The following SLC6A18 variants were observed in gnomAD, a reference collection of about 807,000 sequenced individuals.
SLC6A18 encodes the protein solute carrier family 6 member 18.
In SLC6A18, 58 loss-of-function variants were observed where a neutral mutation model predicts 62.9. The observed-to-expected ratio is 0.92, with a 90% CI of 0.75 to 1.15. SLC6A18 has a LOEUF of 1.15. Ranked by LOEUF, SLC6A18 falls within the 50% of genes most tolerant of loss-of-function variation. The pLI, the probability that SLC6A18 is intolerant of heterozygous loss-of-function variation, is 0.00. For missense variants in SLC6A18, 793 were observed against 836.6 expected, an observed-to-expected ratio of 0.95 and a Z score of 0.64; for synonymous variants, 382 against 365.8, an observed-to-expected ratio of 1.04 and a Z score of -0.51.
intron 3 of SLC6A18, among the ~76,000 whole-genome samples, chr5:1,233,710 G>A (rs1351929554): frequency 6.7e-6 from 1 of 148,528 alleles, no homozygotes; most frequent in African/African-American, 2.5e-5. Context: ...CACTTCCCAA[G>A]CAGCTGGGAC....
rs1746747477 is a variant in SLC6A18 at position 1,232,214 on chromosome 5, C to T, written c.161-5C>T. On this transcript the variant is annotated splice_polypyrimidine_tract_variant and splice_region_variant and intron_variant, in intron 1 of 11. Transcript: ENST00000324642. ...GGGCAGGTGCTGACCACCCCCTCCTCACAGGGGCCTTCCTCATCCCCTACG... is the reference window on the plus strand; with the variant it reads ...GGGCAGGTGCTGACCACCCCCTCCTTACAGGGGCCTTCCTCATCCCCTACG... 6.2e-7 allele frequency: 1 copy of T among 1,610,160 alleles called. No homozygotes were observed. Among genetic ancestry groups the T allele is most frequent in the Non-Finnish European group, 8.5e-7 (1 of 1,178,552 alleles).
intron 1 of SLC6A18, among the ~76,000 whole-genome samples, chr5:1,231,555 G>A (rs1362514341): frequency 6.6e-6 from 1 of 152,152 alleles, no homozygotes; most frequent in Non-Finnish European, 1.5e-5. Flanking sequence ...GCCGCCCTGG[G>A]GTCCCTGGGG....
intron 10 of SLC6A18, 46 bp downstream of exon 10, chr5:1,244,419 G>A (rs1335447233): frequency 2.1e-5 from 34 of 1,607,992 alleles, no homozygotes; most frequent in Non-Finnish European, 2.8e-5. Context: ...CCACCAGGGT[G>A]GGACAGGGAA....
In SLC6A18 at chr5:1,238,000, C is replaced by T. The variant is rs111842636; in HGVS notation, c.672C>T (p.Leu224=). The T allele has an allele frequency of 1.9e-3, 3,079 of 1,614,206 alleles. 51 individuals are homozygous for T. The African/African-American group carries it at 0.036, about 19-fold the overall frequency. ...LFPYLVLTIF[L]IRGLTLPGAT... The stretch of plus-strand genomic sequence containing the variant: ...CTTACCTGGTCCTGACCATCTTTCT[C>T]ATCAGAGGGCTGACCCTGCCAGGGG... Residue 224 remains leucine, a synonymous_variant, in exon 5 of 12, where the codon CTC becomes CTT. Transcript: ENST00000324642.
At chr5:1,226,356 G>T (rs1397427522) in intron 1 of SLC6A18, among the ~76,000 whole-genome samples, 1 of 152,190 alleles carries the variant, frequency 6.6e-6, no homozygotes, top group African/African-American at 2.4e-5. Flanking sequence ...ACTGCTCTCA[G>T]GGAGCCGACG....
chr5:1,229,400 T>C (rs1240478249), intron 1 of SLC6A18, among the ~76,000 whole-genome samples: 1 of 152,134 alleles, frequency 6.6e-6, no homozygotes, highest in Non-Finnish European at 1.5e-5. Flanking sequence ...AGCTCACTTC[T>C]CCCCAAATCT....
intron 7 of SLC6A18, 41 bp downstream of exon 7, chr5:1,240,700 G>A (rs771647145): frequency 1.0e-5 from 16 of 1,607,852 alleles, no homozygotes; most frequent in African/African-American, 1.3e-5. Flanking sequence ...GGGCACAGCC[G>A]CCAGACAGGT....
Position 1,235,631 on chromosome 5 carries a change from G to A in SLC6A18, c.590G>A (p.Cys197Tyr). Residue 197 changes from cysteine to tyrosine, a missense_variant, in exon 4 of 12, where the codon TGT becomes TAT. Cys to Tyr is a radical substitution (Grantham distance 194). Coordinates refer to ENST00000324642, the MANE Select transcript of SLC6A18 (RefSeq NM_182632.3). ...GCCTCCTGGGCAGTCGTGTACATGT[G>A]TGTCATCAGGGGCATTGAGACTACA... ...LAASWAVVYM[C>Y]VIRGIETTGK... is the part of the protein sequence containing the mutation. 1 of 1,614,004 alleles carries A rather than the reference G, an allele frequency of 6.2e-7. No individual in the cohort carries two copies. The highest frequency in any genetic ancestry group is 8.5e-7 in the Non-Finnish European group (1 of 1,180,030).
chr5:1,231,103 T>C (rs1746719604), intron 1 of SLC6A18, among the ~76,000 whole-genome samples: 1 of 152,176 alleles, frequency 6.6e-6, no homozygotes, highest in Non-Finnish European at 1.5e-5. Flanking sequence ...CAGGAATCGA[T>C]CATGCCCAGC....
chr5:1,244,296 T>A lies in SLC6A18; in HGVS notation c.1419T>A (p.Asn473Lys), dbSNP rs377210130. The change falls in exon 10 of 12, where the codon AAT (asparagine) becomes AAA (lysine). Residue 473 changes from asparagine (N) to lysine (K), a missense_variant. By Grantham distance (94) the Asn-to-Lys change is moderately conservative (BLOSUM62 0). Transcript: ENST00000324642. ...SGNYWLEIFD[N>K]FAASPNLLML... Reference sequence around the variant, plus strand: ...ACTACTGGCTGGAGATTTTCGACAATTTTGCCGCTTCCCCGAACCTGCTCA... The same window carrying A: ...ACTACTGGCTGGAGATTTTCGACAAATTTGCCGCTTCCCCGAACCTGCTCA... 8.4e-5 allele frequency: 136 copies of A among 1,613,668 alleles called. 1 individual carries two copies. The South Asian group carries it at 1.4e-3, about 17-fold the overall frequency.
intron 1 of SLC6A18, among the ~76,000 whole-genome samples, 165 bp downstream of exon 1, chr5:1,225,802 C>T (rs1168137932): frequency 6.6e-6 from 1 of 152,218 alleles, no homozygotes; most frequent in Non-Finnish European, 1.5e-5. Context: ...CCTCAGGGCC[C>T]ACCTGCAGTC....
rs1561178474 is a variant in SLC6A18 at position 1,237,934 on chromosome 5, C to CA, written c.622-15dup. ...GAGGCCATTTCAAGTCTCATGACTCCACCTTTTGTTTCAAGGTGATTTACT... is the reference window on the plus strand; with the variant it reads ...GAGGCCATTTCAAGTCTCATGACTCCAACCTTTTGTTTCAAGGTGATTTACT... On this transcript the variant is annotated splice_polypyrimidine_tract_variant and intron_variant, in intron 4 of 11. Transcript: ENST00000324642. The CA allele has an allele frequency of 6.2e-7, 1 of 1,604,862 alleles. No individual in the cohort carries two copies. Among genetic ancestry groups the CA allele is most frequent in the Non-Finnish European group, 8.5e-7 (1 of 1,171,574 alleles).
chr5:1,244,498 C>T, intron 10 of SLC6A18, 110 bp from the exon 11 acceptor site: 1 of 1,547,496 alleles, frequency 6.5e-7, no homozygotes, highest in Non-Finnish European at 8.7e-7. Context: ...TGGGGAGCTG[C>T]CGAGGCACCA....
intron 8 of SLC6A18, 124 bp downstream of exon 8, chr5:1,242,987 A>G: frequency 8.8e-7 from 1 of 1,140,650 alleles, no homozygotes; most frequent in Non-Finnish European, 1.2e-6. Context: ...AGGGCCTGTG[A>G]ACCAAGAACC....
chr5:1,238,372 G>A (rs13169381), intron 5 of SLC6A18, among the ~76,000 whole-genome samples: 1,280 of 56,018 alleles, frequency 0.023, 34 homozygotes, highest in Non-Finnish European at 0.027. Context: ...GTTTGGAGTG[G>A]GCCTGGGGCC....
chr5:1,235,572 C>T lies in SLC6A18; in HGVS notation c.531C>T (p.Gly177=). 1 of 1,614,084 alleles carries T rather than the reference C, an allele frequency of 6.2e-7. No individual in the cohort carries two copies. The highest frequency in any genetic ancestry group is 8.5e-7 in the Non-Finnish European group (1 of 1,180,036). ...TCACAGCCGACATCAATGACAGTGG[C>T]TCCATCCAGTGGTGGCTGCTCATCT... ...LNITADINDS[G]SIQWWLLICL... Residue 177 remains glycine, a synonymous_variant, in exon 4 of 12, where the codon GGC becomes GGT. Coordinates refer to ENST00000324642, the MANE Select transcript of SLC6A18 (RefSeq NM_182632.3).
At position 1,243,943 on chromosome 5, in the gene SLC6A18, GGTCA is replaced by G. The variant is rs1452307394; in HGVS notation, c.1336+186_1336+189del. Among the ~76,000 whole-genome samples, 1 of 152,148 alleles carries G rather than the reference GGTCA, an allele frequency of 6.6e-6. No homozygotes were observed. Among genetic ancestry groups the G allele is most frequent in the East Asian group, 1.9e-4 (1 of 5,184 alleles). ...AACGGAGAGCCGAGGGTCGAGGGAGGGTCAGGGCTGCCCCTCCCCCACGGCCCCG... is the reference window on the plus strand; with the variant it reads ...AACGGAGAGCCGAGGGTCGAGGGAGGGGGCTGCCCCTCCCCCACGGCCCCG... On this transcript the variant is annotated intron_variant, in intron 9 of 11. Transcript: ENST00000324642. This position sits in a 1 kb window ranked among gnomAD's most constrained non-coding sequence, Gnocchi z 6.5.
At chr5:1,231,278 G>A (rs1746724211) in intron 1 of SLC6A18, among the ~76,000 whole-genome samples, 1 of 152,226 alleles carries the variant, frequency 6.6e-6, no homozygotes, top group East Asian at 1.9e-4. Flanking sequence ...GCTCCAGGAA[G>A]TGGAGCCGGC....
chr5:1,236,182 G>C (rs549858453), intron 4 of SLC6A18, among the ~76,000 whole-genome samples: 1 of 151,608 alleles, frequency 6.6e-6, no homozygotes, highest in African/African-American at 2.4e-5. Flanking sequence ...TCAGGATCCC[G>C]CTCTATCTCC....
Sources: allele counts gnomAD v4.1 joint callset (sites outside exome capture counted in the v4.1 genomes callset), GRCh38; gene constraint gnomAD v4.1.1; non-coding constraint Gnocchi (gnomAD v3.1); transcripts MANE v1.5; gene names NCBI Gene and HGNC (gene_info 2026-07-23, HGNC 2026-07-21).